The following DCDC2C variants were observed in gnomAD, a reference collection of about 807,000 sequenced individuals.
DCDC2C encodes the protein doublecortin domain containing 2C.
Under a neutral mutation model 45.0 loss-of-function variants are expected in DCDC2C, and 44 were observed. The observed-to-expected ratio is 0.98, with a 90% CI of 0.77 to 1.26. The LOEUF (loss-of-function observed/expected upper bound fraction) is 1.26. DCDC2C is among the 50% of genes most tolerant of loss of function. DCDC2C has a pLI of 0.00. For missense variants in DCDC2C, 447 were observed against 468.9 expected, an observed-to-expected ratio of 0.95 and a Z score of 0.43; for synonymous variants, 187 against 178.8, an observed-to-expected ratio of 1.05 and a Z score of -0.37.
intron 10 of DCDC2C, among the ~76,000 whole-genome samples, chr2:3,803,641 T>TG (rs1558235054): frequency 6.6e-6 from 1 of 152,234 alleles, no homozygotes; most frequent in African/African-American, 2.4e-5. Context: ...TCAAGTCCAG[T>TG]GTCCTAAGCC....
intron 10 of DCDC2C, among the ~76,000 whole-genome samples, chr2:3,844,897 T>G (rs567496269): frequency 3.3e-5 from 5 of 152,204 alleles, no homozygotes; most frequent in African/African-American, 9.7e-5. Context: ...ACGGCACATG[T>G]TTACATAGTT....
chr2:3,769,102 G>A (rs952321494), intron 7 of DCDC2C: 2 of 520,806 alleles, frequency 3.8e-6, no homozygotes, highest in East Asian at 3.1e-5. Flanking sequence ...TAAAATCGAG[G>A]CCACCACGCT....
chr2:3,721,984 C>T (rs542387461), intron 2 of DCDC2C, among the ~76,000 whole-genome samples: 13 of 152,338 alleles, frequency 8.5e-5, no homozygotes, highest in Middle Eastern at 3.4e-3. Context: ...TTATCAGCAG[C>T]GTGAAAACAA....
At chr2:3,826,951 C>G (rs1044158131) in intron 10 of DCDC2C, among the ~76,000 whole-genome samples, 2 of 151,452 alleles carry the variant, frequency 1.3e-5, no homozygotes, top group African/African-American at 4.8e-5. Context: ...CTGCCTCCCT[C>G]CCTCTCTTCT....
intron 10 of DCDC2C, among the ~76,000 whole-genome samples, chr2:3,821,851 A>G (rs1052020461): frequency 6.6e-6 from 1 of 152,248 alleles, no homozygotes; most frequent in African/African-American, 2.4e-5. Flanking sequence ...TGTAATTCAC[A>G]TGCCATCAAA....
intron 9 of DCDC2C, among the ~76,000 whole-genome samples, chr2:3,781,401 G>A (rs58119885): frequency 0.02 from 3,113 of 152,284 alleles, 98 homozygotes; most frequent in African/African-American, 0.071. Flanking sequence ...ATTGTGTCCT[G>A]TCAACTTATG....
chr2:3,842,980 CT>C lies in DCDC2C; in HGVS notation c.1066-4171del, dbSNP rs1175957824. Among the ~76,000 whole-genome samples the C allele has an allele frequency of 3.3e-5, 5 of 152,336 alleles. No homozygotes were observed. The South Asian group carries it at 6.2e-4, about 19-fold the overall frequency. The stretch of plus-strand genomic sequence containing the variant: ...AACACAGTCTCGGGCAGGTCCACAT[CT>C]TTGGTGGTCACCTGGCCATTGTCGC... On this transcript the variant is annotated intron_variant, in intron 10 of 10. Transcript: ENST00000399143.
Position 3,769,427 on chromosome 2 carries a change from C to T in DCDC2C, c.954+16C>T. 2 of 1,548,308 alleles carry T rather than the reference C, an allele frequency of 1.3e-6. No homozygotes were observed. Among genetic ancestry groups the T allele is most frequent in the Non-Finnish European group, 1.7e-6 (2 of 1,145,290 alleles). On this transcript the variant is annotated intron_variant, in intron 8 of 10. Coordinates refer to ENST00000399143, the MANE Select transcript of DCDC2C (RefSeq NM_001287444.2). ...TGTGGACCAGGTGGGTGTCCGGGGT[C>T]CGATGTCCATGCCGTCTTCACTCCA... is the stretch of plus-strand genomic sequence containing the variant.
chr2:3,796,417 T>G (rs1472062415), intron 10 of DCDC2C, among the ~76,000 whole-genome samples: 2 of 114,104 alleles, frequency 1.8e-5, no homozygotes, highest in Non-Finnish European at 3.5e-5. Context: ...TGAATAGGAG[T>G]AGTGAGAGAG....
Position 3,821,147 on chromosome 2 carries a change from C to T in DCDC2C, c.1066-26007C>T, listed in dbSNP as rs547229635. Among the ~76,000 whole-genome samples the T allele has an allele frequency of 3.8e-4, 57 of 151,820 alleles. No individual in the cohort carries two copies. In the South Asian group the frequency reaches 5.2e-3, roughly 14 times the overall value. ...GGGATTGTTCTCTGGTGGGCAGGGG[C>T]GGGGGTCACAAGGTGCTCAGTGGGG... On this transcript the variant is annotated intron_variant, in intron 10 of 10. Coordinates refer to ENST00000399143, the MANE Select transcript of DCDC2C (RefSeq NM_001287444.2).
chr2:3,763,366 C>T (rs952572233), intron 6 of DCDC2C, among the ~76,000 whole-genome samples: 35 of 152,156 alleles, frequency 2.3e-4, no homozygotes, highest in African/African-American at 7.2e-4. Flanking sequence ...GAGCGCGGCT[C>T]GAGATGTCAC....
At chr2:3,751,424 C>T (rs912080237) in intron 4 of DCDC2C, among the ~76,000 whole-genome samples, 2 of 152,364 alleles carry the variant, frequency 1.3e-5, no homozygotes, top group Middle Eastern at 3.4e-3. Flanking sequence ...TCCCCAGGTG[C>T]AGCTCCGCCA....
intron 2 of DCDC2C, among the ~76,000 whole-genome samples, chr2:3,725,393 G>A (rs1477261709): frequency 6.6e-6 from 1 of 151,548 alleles, no homozygotes; most frequent in South Asian, 2.1e-4. Flanking sequence ...TAACATGGAG[G>A]GTGTAGGGGC....
chr2:3,846,539 A>C (rs548510429), intron 10 of DCDC2C, among the ~76,000 whole-genome samples: 2 of 152,320 alleles, frequency 1.3e-5, no homozygotes, highest in South Asian at 2.1e-4. Context: ...TTGTTGTATG[A>C]ATCAAATGGA....
intron 10 of DCDC2C, among the ~76,000 whole-genome samples, chr2:3,813,061 ATATATATTT>A (rs1409718878): frequency 1.7e-4 from 5 of 28,694 alleles, no homozygotes; most frequent in South Asian, 1.1e-3. Flanking sequence ...ATATATATAT[ATATATATTT>A]TTTTTTTTTT....
At chr2:3,739,575 G>C (rs1237616088) in intron 3 of DCDC2C, among the ~76,000 whole-genome samples, 1 of 152,248 alleles carries the variant, frequency 6.6e-6, no homozygotes, top group Non-Finnish European at 1.5e-5. Context: ...GAACGACACA[G>C]AGTTTGGCTG....
chr2:3,771,714 G>A (rs894999429), intron 8 of DCDC2C, among the ~76,000 whole-genome samples: 5 of 152,198 alleles, frequency 3.3e-5, no homozygotes, highest in South Asian at 2.1e-4. Flanking sequence ...GTCATGGACC[G>A]GGTGGGTGGC....
intron 2 of DCDC2C, among the ~76,000 whole-genome samples, chr2:3,725,656 GGGAGATGAGC>G: frequency 6.8e-6 from 1 of 147,786 alleles, no homozygotes; most frequent in Non-Finnish European, 1.5e-5. Context: ...GGATCCCGGA[GGGAGATGAGC>G]AGAGAGTGAG....
chr2:3,737,512 A>G (rs1171059088), intron 3 of DCDC2C, among the ~76,000 whole-genome samples: 1 of 152,220 alleles, frequency 6.6e-6, no homozygotes, highest in African/African-American at 2.4e-5. Context: ...GGAGAGAAAC[A>G]GCACATTTCT....
Sources: allele counts gnomAD v4.1 joint callset (sites outside exome capture counted in the v4.1 genomes callset), GRCh38; gene constraint gnomAD v4.1.1; transcripts MANE v1.5; gene names NCBI Gene and HGNC (gene_info 2026-07-23, HGNC 2026-07-21).